The following TOP6BL variants were observed in gnomAD, a reference collection of about 807,000 sequenced individuals.
TOP6BL encodes TOP6B like initiator of meiotic double strand breaks.
chr11:66,762,320 G>C, the TOP6BL span: 2 of 408,890 alleles, frequency 4.9e-6, no homozygotes, highest in African/African-American at 4.4e-5. Context: ...TGCCGGAAAG[G>C]CGGGGCGGGC....
chr11:66,842,922 C>T, the TOP6BL span: 4 of 1,562,982 alleles, frequency 2.6e-6, no homozygotes, highest in Admixed American at 1.9e-5. Flanking sequence ...GAGCTCTGCG[C>T]TCTGCCAGGG....
the TOP6BL span, chr11:66,842,793 G>C: frequency 6.8e-7 from 1 of 1,472,216 alleles, no homozygotes; most frequent in Non-Finnish European, 9.1e-7. Context: ...CTTGGCCAAG[G>C]GTGCTCCTAG....
At chr11:66,821,284 TA>T in the TOP6BL span, among the ~76,000 whole-genome samples, 1 of 108,582 alleles carries the variant, frequency 9.2e-6, no homozygotes, top group Admixed American at 1.4e-4. Flanking sequence ...ACACATCTGG[TA>T]ATTTTTTTTT....
chr11:66,744,855 C>A, the TOP6BL span: 1 of 1,313,574 alleles, frequency 7.6e-7, no homozygotes, highest in Non-Finnish European at 9.7e-7. Context: ...GGCGGGTACC[C>A]TTCGACTGGG....
chr11:66,764,616 GATC>G, the TOP6BL span, among the ~76,000 whole-genome samples: 5 of 149,224 alleles, frequency 3.4e-5, no homozygotes, highest in Non-Finnish European at 7.4e-5. Context: ...AGTAAGCTGA[GATC>G]ATGCCACTGC....
At chr11:66,772,187 T>G in the TOP6BL span, among the ~76,000 whole-genome samples, 1 of 152,232 alleles carries the variant, frequency 6.6e-6, no homozygotes, top group African/African-American at 2.4e-5. Flanking sequence ...TAAGTGGTAT[T>G]TTTTTAAGAA....
chr11:66,831,190 C>G, the TOP6BL span, among the ~76,000 whole-genome samples: 1 of 152,192 alleles, frequency 6.6e-6, no homozygotes, highest in Non-Finnish European at 1.5e-5. Context: ...CTTCGGAGAA[C>G]AGTTAGCAGT....
chr11:66,756,376 A>T, the TOP6BL span: 1 of 1,182,302 alleles, frequency 8.5e-7, no homozygotes, highest in Non-Finnish European at 1.1e-6. Flanking sequence ...TCTGTTACCC[A>T]GGCCGGAGTG....
the TOP6BL span, chr11:66,744,819 G>GGCGGCGGC: frequency 7.3e-6 from 9 of 1,230,504 alleles, no homozygotes; most frequent in African/African-American, 1.4e-4. Context: ...GCTGAGGAGG[G>GGCGGCGGC]GGCGGCGGCG....
At chr11:66,788,875 C>T in the TOP6BL span, among the ~76,000 whole-genome samples, 2 of 152,140 alleles carry the variant, frequency 1.3e-5, no homozygotes, top group Non-Finnish European at 2.9e-5. Context: ...CTCAGCCTGC[C>T]GAGTAGCTGG....
At chr11:66,806,543 G>A in the TOP6BL span, among the ~76,000 whole-genome samples, 2 of 152,314 alleles carry the variant, frequency 1.3e-5, no homozygotes, top group African/African-American at 2.4e-5. Flanking sequence ...CGAAGCTGGC[G>A]GAGCACTTGA....
the TOP6BL span, among the ~76,000 whole-genome samples, chr11:66,747,784 A>G: frequency 6.6e-6 from 1 of 151,700 alleles, no homozygotes. Flanking sequence ...ACGCTGGGCT[A>G]ATTTTTGTTG....
chr11:66,763,116 G>C, the TOP6BL span, among the ~76,000 whole-genome samples: 1 of 152,204 alleles, frequency 6.6e-6, no homozygotes, highest in Admixed American at 6.5e-5. Flanking sequence ...AGGCAGAATT[G>C]CCTGTGCCCA....
chr11:66,774,629 T>G, the TOP6BL span, among the ~76,000 whole-genome samples: 10 of 151,766 alleles, frequency 6.6e-5, no homozygotes, highest in Non-Finnish European at 1.3e-4. Context: ...AATTTTTTTG[T>G]TTTTTTGTTT....
the TOP6BL span, among the ~76,000 whole-genome samples, chr11:66,820,197 G>GA: frequency 7.2e-5 from 11 of 152,172 alleles, no homozygotes; most frequent in Non-Finnish European, 7.3e-5. Context: ...ATTGGCCCTA[G>GA]AATCTATGTT....
At chr11:66,816,038 T>C in the TOP6BL span, 3 of 1,577,498 alleles carry the variant, frequency 1.9e-6, no homozygotes, top group Non-Finnish European at 1.7e-6. Context: ...ATTCGTGTAA[T>C]ATCTTGTCCT....
At chr11:66,822,997 T>TAA in the TOP6BL span, among the ~76,000 whole-genome samples, 68 of 131,352 alleles carry the variant, frequency 5.2e-4, no homozygotes, top group East Asian at 2.2e-4. Flanking sequence ...AGACCTGTCT[T>TAA]AAAAAAAAAA....
the TOP6BL span, among the ~76,000 whole-genome samples, chr11:66,839,607 G>A: frequency 6.6e-6 from 1 of 152,182 alleles, no homozygotes; most frequent in Non-Finnish European, 1.5e-5. Context: ...ACTGTCAACT[G>A]AACCATGTTT....
the TOP6BL span, among the ~76,000 whole-genome samples, chr11:66,808,040 A>G: frequency 6.6e-6 from 1 of 152,244 alleles, no homozygotes; most frequent in African/African-American, 2.4e-5. Context: ...CTAGAGGAAA[A>G]TAACTGCATC....
Sources: allele counts gnomAD v4.1 joint callset (sites outside exome capture counted in the v4.1 genomes callset), GRCh38; gene constraint gnomAD v4.1.1; transcripts MANE v1.5; gene names NCBI Gene and HGNC (gene_info 2026-07-23, HGNC 2026-07-21).